Variants in MYBPC1 observed in about 807,000 individuals in gnomAD.
MYBPC1 encodes the protein myosin-binding protein C, slow-type.
A neutral mutation model predicts 147.1 loss-of-function variants in MYBPC1; 52 were observed. The observed-to-expected ratio is 0.35, with a 90% CI of 0.28 to 0.45. The LOEUF is 0.45. Ranked by LOEUF, MYBPC1 falls within the 20% of genes least tolerant of loss-of-function variation. The pLI is 1.00. For synonymous variants in MYBPC1, 477 were observed against 475.9 expected (o/e 1.00, Z -0.03); for missense variants, 1,228 against 1,440.3 (o/e 0.85, Z 2.39).
At chr12:101,684,738 A>G (rs1300226192) in intron 31 of MYBPC1, among the ~76,000 whole-genome samples, 3 of 152,250 alleles carry the variant, frequency 2.0e-5, no homozygotes, top group South Asian at 2.1e-4. Flanking sequence ...GGACATGTAC[A>G]TAAGTGGCAT....
At chr12:101,631,430 C>G (rs1435457024) in intron 6 of MYBPC1, 141 bp from the exon 7 acceptor site, 2 of 978,886 alleles carry the variant, frequency 2.0e-6, no homozygotes, top group Non-Finnish European at 3.2e-6. Flanking sequence ...ATAAAAAAAT[C>G]AGGACGAATT....
chr12:101,636,602 G>A, intron 9 of MYBPC1, 70 bp from the exon 10 acceptor site: 1 of 1,274,594 alleles, frequency 7.8e-7, no homozygotes, highest in South Asian at 1.2e-5. Flanking sequence ...TACATGTAGA[G>A]TGTTTGGGGG....
At chr12:101,597,740 T>G (rs1877918782) in intron 1 of MYBPC1, among the ~76,000 whole-genome samples, 1 of 152,212 alleles carries the variant, frequency 6.6e-6, no homozygotes, top group South Asian at 2.1e-4. Context: ...CATCATCAAT[T>G]GTATATTATG....
At chr12:101,618,779 G>A (rs908899452) in intron 3 of MYBPC1, among the ~76,000 whole-genome samples, 2 of 151,782 alleles carry the variant, frequency 1.3e-5, no homozygotes, top group African/African-American at 2.4e-5. Flanking sequence ...GAAATTAGTA[G>A]CATTTTTCTG....
chr12:101,631,210 T>C (rs1889812009), intron 6 of MYBPC1, among the ~76,000 whole-genome samples: 1 of 152,196 alleles, frequency 6.6e-6, no homozygotes, highest in Non-Finnish European at 1.5e-5. Flanking sequence ...ATATATGAAA[T>C]AAAATTTTAT....
In MYBPC1 at chr12:101,665,713, G is replaced by A. The variant is rs144434259; in HGVS notation, c.2357-2019G>A. Among the ~76,000 whole-genome samples the A allele has an allele frequency of 5.2e-3, 790 of 152,062 alleles. 2 individuals are homozygous for A. Among genetic ancestry groups the A allele is most frequent in the Middle Eastern group, 0.02 (6 of 294 alleles). On this transcript the variant is annotated intron_variant, in intron 22 of 31. Coordinates refer to ENST00000361466, the MANE Select transcript of MYBPC1 (RefSeq NM_002465.4). ...TTTGTTCCCCCTCTGGTCTTGTTTC[G>A]TCCTGTTTTCTCTTGAAATTGTCTC...
intron 1 of MYBPC1, 95 bp downstream of exon 1, chr12:101,595,190 T>A: frequency 9.0e-7 from 1 of 1,116,998 alleles, no homozygotes; most frequent in Admixed American, 1.9e-5. Flanking sequence ...CTTAACTAGA[T>A]GAGAAAATAA....
At chr12:101,673,082 GC>G (rs1254278502) in intron 24 of MYBPC1, among the ~76,000 whole-genome samples, 1 of 152,196 alleles carries the variant, frequency 6.6e-6, no homozygotes, top group Non-Finnish European at 1.5e-5. Context: ...TGTTGTGCAG[GC>G]TTTTGGAGAC....
At chr12:101,693,852 G>A in the MYBPC1 span, among the ~76,000 whole-genome samples, 2 of 152,234 alleles carry the variant, frequency 1.3e-5, no homozygotes, top group Admixed American at 1.3e-4. Context: ...CAGCCATGTG[G>A]CCAGGCTCTG....
chr12:101,659,619 G>T, intron 18 of MYBPC1, 53 bp from the exon 19 acceptor site: 2 of 1,595,798 alleles, frequency 1.3e-6, no homozygotes, highest in Non-Finnish European at 1.7e-6. Flanking sequence ...AGACTCTGAA[G>T]TAGCCCTGTT....
chr12:101,691,005 C>T (rs1052797980), downstream of MYBPC1, among the ~76,000 whole-genome samples: 1 of 152,184 alleles, frequency 6.6e-6, no homozygotes, highest in Non-Finnish European at 1.5e-5. Flanking sequence ...AATTCTCACA[C>T]AGATAGCTTG....
chr12:101,667,824 G>T lies in MYBPC1; in HGVS notation c.2449G>T (p.Val817Leu), dbSNP rs750193548. The T allele has an allele frequency of 2.5e-6, 4 of 1,614,214 alleles. No individual in the cohort carries two copies. The highest frequency in any genetic ancestry group is 3.4e-6 in the Non-Finnish European group (4 of 1,180,038). ...LPTDAKIFVRVKAVNAAGASE... is the reference protein window; with the variant it reads ...LPTDAKIFVRLKAVNAAGASE... Reference sequence around the variant, plus strand: ...AACAGATGCAAAGATCTTTGTGCGTGTGAAGGCTGTTAATGCAGCTGGTGC... The same window carrying T: ...AACAGATGCAAAGATCTTTGTGCGTTTGAAGGCTGTTAATGCAGCTGGTGC... The change falls in exon 23 of 32, where the codon GTG becomes TTG. Residue 817 changes from valine (V) to leucine (L), a missense_variant. Coordinates refer to ENST00000361466, the MANE Select transcript of MYBPC1 (RefSeq NM_002465.4).
intron 10 of MYBPC1, among the ~76,000 whole-genome samples, chr12:101,637,463 T>TAC (rs1337137891): frequency 6.6e-6 from 1 of 152,144 alleles, no homozygotes; most frequent in Admixed American, 6.6e-5. Flanking sequence ...CCTATATATA[T>TAC]ACTATATTAT....
chr12:101,670,211 A>T (rs1042060700), intron 23 of MYBPC1, 110 bp from the exon 24 acceptor site: 1 of 857,898 alleles, frequency 1.2e-6, no homozygotes, highest in Non-Finnish European at 2.0e-6. Flanking sequence ...AGTTTATTGC[A>T]GAGATATGCC....
In MYBPC1 at chr12:101,604,950, GT is replaced by G. The variant is rs142812901; in HGVS notation, c.26-9544del. Among the ~76,000 whole-genome samples the G allele has an allele frequency of 7.0e-3, 1,059 of 152,276 alleles. 11 individuals carry two copies. Among genetic ancestry groups the G allele is most frequent in the African/African-American group, 0.024 (996 of 41,546 alleles). Reference sequence around the variant, plus strand: ...GACTTTCTGGGTCACCAAAATGCAGGTTCAGCCCCTTAAGTGACCTCCTTAA... The same window carrying G: ...GACTTTCTGGGTCACCAAAATGCAGGTCAGCCCCTTAAGTGACCTCCTTAA... On this transcript the variant is annotated intron_variant, in intron 1 of 31. Coordinates refer to ENST00000361466, the MANE Select transcript of MYBPC1 (RefSeq NM_002465.4).
At chr12:101,653,934 T>C (rs1895052590) in intron 18 of MYBPC1, among the ~76,000 whole-genome samples, 1 of 151,754 alleles carries the variant, frequency 6.6e-6, no homozygotes, top group Admixed American at 6.6e-5. Flanking sequence ...CTGGGCATGG[T>C]GGCTCATGCC....
intron 2 of MYBPC1, among the ~76,000 whole-genome samples, chr12:101,615,964 C>A (rs1278445507): frequency 6.6e-6 from 1 of 151,856 alleles, no homozygotes; most frequent in African/African-American, 2.4e-5. Flanking sequence ...GCAGTGGCAC[C>A]ATCACAGCTC....
At chr12:101,609,774 T>A (rs1883593636) in intron 1 of MYBPC1, among the ~76,000 whole-genome samples, 1 of 152,238 alleles carries the variant, frequency 6.6e-6, no homozygotes, top group African/African-American at 2.4e-5. Context: ...TGTGAATTTC[T>A]TAAACACAAG....
chr12:101,604,063 A>T (rs1191263016), intron 1 of MYBPC1, among the ~76,000 whole-genome samples: 1 of 152,234 alleles, frequency 6.6e-6, no homozygotes, highest in Non-Finnish European at 1.5e-5. Flanking sequence ...AGCTCCTTCA[A>T]TCTGAGTAAA....
Sources: allele counts gnomAD v4.1 joint callset (sites outside exome capture counted in the v4.1 genomes callset), GRCh38; gene constraint gnomAD v4.1.1; transcripts MANE v1.5; gene names NCBI Gene and HGNC (gene_info 2026-07-23, HGNC 2026-07-21).